The following ARFRP1 variants were observed in gnomAD, a reference collection of about 807,000 sequenced individuals.
ARFRP1 encodes ADP-ribosylation factor-related protein 1.
A neutral mutation model predicts 30.3 loss-of-function variants in ARFRP1; 19 were observed. The ratio of observed to expected loss-of-function variants is 0.63; its 90% CI spans 0.44 to 0.92. The LOEUF is 0.92. Ranked by LOEUF, ARFRP1 falls within the 40% of genes least tolerant of loss-of-function variation. ARFRP1 has a pLI of 0.00. For synonymous variants in ARFRP1, 133 were observed against 114.2 expected, an observed-to-expected ratio of 1.16 and a Z score of -1.05; for missense variants, 245 against 267.5, an observed-to-expected ratio of 0.92 and a Z score of 0.59.
intron 4 of ARFRP1, chr20:63,705,527 C>G (rs927316089): frequency 8.9e-6 from 4 of 448,072 alleles, no homozygotes; most frequent in Non-Finnish European, 1.8e-5. Flanking sequence ...ACTGGGATCT[C>G]AGAAATGCCC....
chr20:63,705,633 C>T (rs779191030), intron 4 of ARFRP1: 3 of 532,246 alleles, frequency 5.6e-6, no homozygotes, highest in African/African-American at 1.9e-5. Flanking sequence ...ACTGAAGGAA[C>T]CTCATCAGGG....
At position 63,700,053 on chromosome 20, in the gene ARFRP1, C is replaced by T. The variant is rs545085187; in HGVS notation, c.*390G>A. On this transcript the variant is annotated 3_prime_UTR_variant, in exon 8 of 8. Transcript: ENST00000622789. Reference sequence around the variant, plus strand: ...AGCCATGGCTGACGGGCCTCCTCCTCGATGGGGCGGAGACAGCCACGGGGT... The same window carrying T: ...AGCCATGGCTGACGGGCCTCCTCCTTGATGGGGCGGAGACAGCCACGGGGT... The T allele has an allele frequency of 3.4e-5, 9 of 266,996 alleles. No homozygotes were observed. Among genetic ancestry groups the T allele is most frequent in the South Asian group, 8.2e-5 (2 of 24,416 alleles). The allele number at this position is 266,996 out of a possible 1,614,324, so 16.5% of individuals were successfully genotyped here. A position where few individuals can be genotyped will look rare whatever the true frequency, so the allele number is the denominator to read the frequency against.
At position 63,707,077 on chromosome 20, in the gene ARFRP1, C is replaced by G. The variant is rs995431347; in HGVS notation, c.15G>C (p.Leu5=). ...GAAACATGTACTTGTACAAGCCCGA[C>G]AGCAGCGTGTACATCCTGCCCTGGG... is the stretch of plus-strand genomic sequence containing the variant. The part of the protein sequence containing the change: MYTL[L]SGLYKYMFQK... Residue 5 remains leucine (L), a synonymous_variant, in exon 2 of 8, where the codon CTG becomes CTC. Coordinates refer to ENST00000622789, the MANE Select transcript of ARFRP1 (RefSeq NM_001267547.3). 3 of 1,612,952 alleles carry G rather than the reference C, an allele frequency of 1.9e-6. No homozygotes were observed. Among genetic ancestry groups the G allele is most frequent in the Admixed American group, 1.7e-5 (1 of 59,916 alleles).
rs1435509153 is a variant in ARFRP1 at position 63,700,708 on chromosome 20, G to A, written c.418-6C>T. 3.7e-6 allele frequency: 6 copies of A among 1,610,236 alleles called. No homozygotes were observed. Among genetic ancestry groups the A allele is most frequent in the Non-Finnish European group, 5.1e-6 (6 of 1,179,746 alleles). ...TCAGGGATTGAGAGGCACGTCTGGG[G>A]GAGGTAAGGCCGTGAGGAGCAGCCC... On this transcript the variant is annotated splice_polypyrimidine_tract_variant and splice_region_variant and intron_variant, in intron 6 of 7. Transcript: ENST00000622789.
intron 5 of ARFRP1, 110 bp from the exon 6 acceptor site, chr20:63,702,010 C>CCT: frequency 2.2e-6 from 2 of 893,208 alleles, no homozygotes; most frequent in Non-Finnish European, 3.3e-6. Context: ...CCCCCCCCCC[C>CCT]CCGTCACCCA....
In ARFRP1 at chr20:63,701,271, A is replaced by G. The variant is rs534897978; in HGVS notation, c.417+559T>C. On this transcript the variant is annotated intron_variant, in intron 6 of 7. Coordinates refer to ENST00000622789, the MANE Select transcript of ARFRP1 (RefSeq NM_001267547.3). ...GCAACAGAGCCACCCCAGAGAAGGC[A>G]GGAAGTGAAGATTCACCTGGCCCTC... The G allele has an allele frequency of 1.4e-4, 67 of 481,394 alleles. No homozygotes were observed. The African/African-American group carries it at 1.8e-3, about 13-fold the overall frequency. The allele number at this position is 481,394 out of a possible 1,614,324, so 29.8% of individuals were successfully genotyped here.
chr20:63,701,137 A>G (rs946660695), intron 6 of ARFRP1: 2 of 429,858 alleles, frequency 4.7e-6, no homozygotes, highest in Admixed American at 2.7e-5. Context: ...CCAGTCTTCA[A>G]AAAGCAGCCC....
chr20:63,701,973 G>T, intron 5 of ARFRP1, 73 bp from the exon 6 acceptor site: 1 of 1,402,000 alleles, frequency 7.1e-7, no homozygotes, highest in Non-Finnish European at 9.7e-7. Flanking sequence ...CCACAGGCGT[G>T]GACACTGTGA....
Position 63,698,807 on chromosome 20 carries a change from G to C in ARFRP1, c.*1636C>G, listed in dbSNP as rs1047842878. On this transcript the variant is annotated 3_prime_UTR_variant, in exon 8 of 8. Coordinates refer to ENST00000622789, the MANE Select transcript of ARFRP1 (RefSeq NM_001267547.3). ...CCCGGGGCTTCCCCTACCTCAGACAGACCCTCCCTGGGAGGATCAGTGGGG... is the reference window on the plus strand; with the variant it reads ...CCCGGGGCTTCCCCTACCTCAGACACACCCTCCCTGGGAGGATCAGTGGGG... The C allele has an allele frequency of 2.3e-6, 1 of 429,702 alleles. No homozygotes were observed. The highest frequency in any genetic ancestry group is 2.1e-5 in the African/African-American group (1 of 47,762). 26.6% of individuals were successfully genotyped at this position (429,702 alleles called of 1,614,324 possible).
intron 4 of ARFRP1, chr20:63,703,833 C>T (rs567971500): frequency 6.6e-6 from 1 of 152,592 alleles, no homozygotes; most frequent in South Asian, 2.1e-4. Flanking sequence ...GGGAGCGACA[C>T]CTCAGGGCTG....
intron 6 of ARFRP1, chr20:63,701,554 G>T: frequency 1.7e-6 from 1 of 578,752 alleles, no homozygotes; most frequent in Non-Finnish European, 3.1e-6. Flanking sequence ...ACACTCCTGA[G>T]ACACGGCCGC....
At chr20:63,706,875 T>C (rs1005266678) in intron 2 of ARFRP1, 124 bp downstream of exon 2, 11 of 1,291,834 alleles carry the variant, frequency 8.5e-6, no homozygotes, top group African/African-American at 2.9e-5. Context: ...TGGTGGTGAC[T>C]ATCCTGCCGT....
At chr20:63,702,009 C>A (rs1164149883) in intron 5 of ARFRP1, 109 bp from the exon 6 acceptor site, 12 of 919,742 alleles carry the variant, frequency 1.3e-5, no homozygotes, top group Middle Eastern at 3.2e-4. Context: ...CCCCCCCCCC[C>A]CCCGTCACCC....
intron 4 of ARFRP1, chr20:63,703,434 C>T (rs1328495084): frequency 1.3e-5 from 2 of 152,248 alleles, no homozygotes; most frequent in African/African-American, 2.4e-5. Flanking sequence ...AGGAACTTCC[C>T]ACAGTGGAGA....
intron 4 of ARFRP1, 109 bp downstream of exon 4, chr20:63,706,248 A>C: frequency 9.7e-7 from 1 of 1,026,766 alleles, no homozygotes; most frequent in Admixed American, 1.8e-5. Flanking sequence ...AGAAAACCCG[A>C]GGGACAGAGT....
chr20:63,700,856 G>A, intron 6 of ARFRP1, 154 bp from the exon 7 acceptor site: 1 of 1,039,700 alleles, frequency 9.6e-7, no homozygotes, highest in Non-Finnish European at 1.4e-6. Flanking sequence ...CCACAGCAGT[G>A]AGGACCCTGT....
chr20:63,706,254 A>C (rs955465536), intron 4 of ARFRP1, 103 bp downstream of exon 4: 2 of 1,072,652 alleles, frequency 1.9e-6, no homozygotes, highest in Admixed American at 1.7e-5. Context: ...CCCGAGGGAC[A>C]GAGTGGGTAA....
In ARFRP1 at chr20:63,706,362, C is replaced by T. The variant is rs1407369384; in HGVS notation, c.259G>A (p.Asp87Asn). 1 of 1,613,272 alleles carries T rather than the reference C, an allele frequency of 6.2e-7. No homozygotes were observed. Among genetic ancestry groups the T allele is most frequent in the East Asian group, 2.2e-5 (1 of 44,874 alleles). The change falls in exon 4 of 8, where the codon GAC becomes AAC. Residue 87 changes from aspartate (D) to asparagine (N), a missense_variant. Coordinates refer to ENST00000622789, the MANE Select transcript of ARFRP1 (RefSeq NM_001267547.3). ...TCCTGGCCAGGGAGTCTTACCTTGT[C>T]CCACAAAGACTGCAGCTCTTCCTGC... ...GGQEELQSLW[D>N]KYYAECHGVI...
At position 63,700,231 on chromosome 20, in the gene ARFRP1, G is replaced by A. The variant is rs2091130341; in HGVS notation, c.*212C>T. 2 of 690,526 alleles carry A rather than the reference G, an allele frequency of 2.9e-6. No homozygotes were observed. The highest frequency in any genetic ancestry group is 1.9e-5 in the South Asian group (1 of 53,526). 42.8% of individuals were successfully genotyped at this position (690,526 alleles called of 1,614,324 possible). ...TGGAAAGGCTGCCGCTGCAGGGCCT[G>A]GGCCAGCCGGGCTGCCAGACTCCCC... On this transcript the variant is annotated 3_prime_UTR_variant, in exon 8 of 8. Transcript: ENST00000622789.
Sources: allele counts gnomAD v4.1 joint callset, GRCh38; gene constraint gnomAD v4.1.1; transcripts MANE v1.5; gene names NCBI Gene and HGNC (gene_info 2026-07-23, HGNC 2026-07-21).